The following MTMR12 variants were observed in gnomAD, a reference collection of about 807,000 sequenced individuals.
MTMR12 encodes the protein myotubularin related protein 12.
Under a neutral mutation model 96.7 loss-of-function variants are expected in MTMR12, and 33 were observed. That is an observed-to-expected ratio of 0.34 (90% CI 0.26 to 0.46). The LOEUF is 0.46. Ranked by LOEUF, MTMR12 falls within the 20% of genes least tolerant of loss-of-function variation. MTMR12 has a pLI of 1.00. For missense variants in MTMR12, 721 were observed against 896.1 expected (o/e 0.80, Z 2.49); for synonymous variants, 298 against 327.2 (o/e 0.91, Z 0.96).
chr5:32,270,223 A>G (rs1046492405), intron 5 of MTMR12, among the ~76,000 whole-genome samples: 17 of 152,194 alleles, frequency 1.1e-4, no homozygotes, highest in African/African-American at 4.1e-4. Flanking sequence ...AAGAAAAAAA[A>G]ATCTTGGAAA....
intron 1 of MTMR12, among the ~76,000 whole-genome samples, chr5:32,277,890 A>G (rs552372383): frequency 2.0e-5 from 3 of 152,342 alleles, no homozygotes; most frequent in African/African-American, 7.2e-5. Flanking sequence ...GCTAATCTAC[A>G]GCACACCAGG....
intron 12 of MTMR12, among the ~76,000 whole-genome samples, chr5:32,240,303 G>A (rs527869768): frequency 4.3e-4 from 66 of 151,944 alleles, no homozygotes; most frequent in Middle Eastern, 3.4e-3. Flanking sequence ...GGAGGCTGAG[G>A]CAGAAGAATC....
intron 6 of MTMR12, among the ~76,000 whole-genome samples, chr5:32,268,398 T>C (rs975877677): frequency 1.1e-4 from 16 of 151,818 alleles, no homozygotes; most frequent in African/African-American, 3.9e-4. Context: ...ATCCCAGTTA[T>C]TCAGGAGGCT....
chr5:32,243,497 G>A, intron 11 of MTMR12, 24 bp downstream of exon 11: 1 of 1,549,172 alleles, frequency 6.5e-7, no homozygotes, highest in Non-Finnish European at 8.9e-7. Context: ...CAAAATTCAT[G>A]AGTAAAACAA....
intron 6 of MTMR12, among the ~76,000 whole-genome samples, chr5:32,267,622 T>C (rs1404843432): frequency 2.0e-5 from 3 of 152,192 alleles, no homozygotes; most frequent in Non-Finnish European, 4.4e-5. Context: ...TTCTTATGTA[T>C]AACTGTCCCA....
intron 1 of MTMR12, among the ~76,000 whole-genome samples, chr5:32,289,189 T>TGG (rs901951072): frequency 1.3e-5 from 2 of 152,222 alleles, no homozygotes; most frequent in Non-Finnish European, 2.9e-5. Flanking sequence ...CGTAGAGCTC[T>TGG]GGCATTGGCT....
chr5:32,245,894 T>TG (rs1323378822), intron 10 of MTMR12, among the ~76,000 whole-genome samples: 1 of 151,932 alleles, frequency 6.6e-6, no homozygotes, highest in African/African-American at 2.4e-5. Context: ...ACAAGCAAAA[T>TG]GGCTGGAGCA....
intron 3 of MTMR12, among the ~76,000 whole-genome samples, chr5:32,273,339 G>T (rs1261460344): frequency 6.6e-6 from 1 of 152,118 alleles, no homozygotes; most frequent in African/African-American, 2.4e-5. Context: ...CTACGCCACA[G>T]CACTCCAACC....
intron 13 of MTMR12, among the ~76,000 whole-genome samples, chr5:32,237,214 C>T (rs1022531202): frequency 2.6e-5 from 4 of 152,236 alleles, no homozygotes; most frequent in African/African-American, 9.6e-5. Flanking sequence ...TGCTAGCATA[C>T]GTCAGCGCTG....
At chr5:32,306,093 A>G (rs1173832751) in intron 1 of MTMR12, among the ~76,000 whole-genome samples, 1 of 152,212 alleles carries the variant, frequency 6.6e-6, no homozygotes, top group Non-Finnish European at 1.5e-5. Context: ...AACACTACTA[A>G]GGAAGTACTC....
chr5:32,274,600 G>C (rs1446720022), intron 2 of MTMR12, among the ~76,000 whole-genome samples: 1 of 152,290 alleles, frequency 6.6e-6, no homozygotes, highest in East Asian at 1.9e-4. Flanking sequence ...TGCTGAGAGA[G>C]AGTGACAGTG....
chr5:32,231,941 G>A (rs968468889), intron 15 of MTMR12, among the ~76,000 whole-genome samples: 1 of 152,220 alleles, frequency 6.6e-6, no homozygotes, highest in Admixed American at 6.5e-5. Flanking sequence ...AAGGCACAGA[G>A]GTAAGCAATC....
rs1211398457 is a variant in MTMR12, at chr5:32,228,740, A to C, written c.*1038T>G. The C allele has an allele frequency of 6.6e-6, 1 of 151,354 alleles. No individual in the cohort carries two copies. The highest frequency in any genetic ancestry group is 1.5e-5 in the Non-Finnish European group (1 of 67,888). The allele number at this position is 151,354 out of a possible 1,614,324, so 9.4% of individuals were successfully genotyped here. A position where few individuals can be genotyped will look rare whatever the true frequency, so the allele number is the denominator to read the frequency against. On this transcript the variant is annotated 3_prime_UTR_variant, in exon 16 of 16. Transcript: ENST00000382142. ...ATCACTGAGGTATCATATGATAATC[A>C]TCACTTCTGATATTTATGTTTAAGC...
rs991148203 is a variant in MTMR12, at chr5:32,312,366, G to A, written c.81+392C>T. On this transcript the variant is annotated intron_variant, in intron 1 of 15. Coordinates refer to ENST00000382142, the MANE Select transcript of MTMR12 (RefSeq NM_001040446.3). The surrounding 1 kb of genome is among the most constrained non-coding windows in gnomAD (Gnocchi z 5.0). The stretch of plus-strand genomic sequence containing the variant: ...TCTGGGCTCACTGAGAAAGTCCAGA[G>A]GCAGGACGGACCCACGCGGGCTCCG... Among the ~76,000 whole-genome samples, 6 of 152,216 alleles carry A rather than the reference G, an allele frequency of 3.9e-5. No homozygotes were observed. The highest frequency in any genetic ancestry group is 8.8e-5 in the Non-Finnish European group (6 of 68,040).
chr5:32,289,330 C>T (rs1004700149), intron 1 of MTMR12, among the ~76,000 whole-genome samples: 1 of 152,184 alleles, frequency 6.6e-6, no homozygotes, highest in South Asian at 2.1e-4. Context: ...CAGAGAATCA[C>T]GGCCCCTCAA....
rs970405318 is a variant in MTMR12, at chr5:32,228,820, G to A, written c.*958C>T. 2 of 151,692 alleles carry A rather than the reference G, an allele frequency of 1.3e-5. No individual in the cohort carries two copies. Among genetic ancestry groups the A allele is most frequent in the Non-Finnish European group, 2.9e-5 (2 of 67,926 alleles). 9.4% of individuals were successfully genotyped at this position (151,692 alleles called of 1,614,324 possible). A position where few individuals can be genotyped will look rare whatever the true frequency, so the allele number is the denominator to read the frequency against. On this transcript the variant is annotated 3_prime_UTR_variant, in exon 16 of 16. Coordinates refer to ENST00000382142, the MANE Select transcript of MTMR12 (RefSeq NM_001040446.3). ...TGACCCAATCCCATCAGTCCATAAA[G>A]GTAAAAGAATGTGAGGAACTCGGCT...
intron 10 of MTMR12, among the ~76,000 whole-genome samples, chr5:32,243,836 A>G (rs754600149): frequency 6.6e-6 from 1 of 152,224 alleles, no homozygotes; most frequent in Non-Finnish European, 1.5e-5. Context: ...TATTGCTGAA[A>G]TAAGAAATTC....
intron 5 of MTMR12, among the ~76,000 whole-genome samples, chr5:32,269,104 G>A (rs1036975409): frequency 6.6e-6 from 1 of 151,534 alleles, no homozygotes; most frequent in African/African-American, 2.4e-5. Flanking sequence ...TTGGCTCACT[G>A]CAACCTTTGC....
At chr5:32,265,303 T>C (rs1749546344) in intron 6 of MTMR12, among the ~76,000 whole-genome samples, 1 of 152,188 alleles carries the variant, frequency 6.6e-6, no homozygotes, top group African/African-American at 2.4e-5. Context: ...TAAAAGATGC[T>C]ATTAATACAT....
Sources: gnomAD v4.1 joint callset for allele counts (sites outside exome capture counted in the v4.1 genomes callset) on GRCh38, gnomAD v4.1.1 for gene constraint, Gnocchi (gnomAD v3.1) non-coding constraint, MANE v1.5 for transcripts, NCBI Gene and HGNC (gene_info 2026-07-23, HGNC 2026-07-21) for gene names.